The following UBL3 variants were observed in gnomAD, a reference collection of about 807,000 sequenced individuals.
UBL3 encodes the protein ubiquitin like 3.
A neutral mutation model predicts 18.4 loss-of-function variants in UBL3; 6 were observed. That is an observed-to-expected ratio of 0.33 (90% CI 0.18 to 0.64). The LOEUF is 0.64. UBL3 is among the 30% of genes least tolerant of loss of function. The probability of loss-of-function intolerance (pLI) is 0.76; values close to 1 mark genes in which losing one functional copy is unlikely to be tolerated. For synonymous variants in UBL3, 49 were observed against 46.6 expected, an observed-to-expected ratio of 1.05 and a Z score of -0.21; for missense variants, 109 against 142.9, an observed-to-expected ratio of 0.76 and a Z score of 1.21.
chr13:29,828,695 C>A (rs1034000241), intron 1 of UBL3, among the ~76,000 whole-genome samples: 1 of 152,250 alleles, frequency 6.6e-6, no homozygotes, highest in African/African-American at 2.4e-5. Context: ...CATTCTCCGT[C>A]CAGCTTTGTT....
chr13:29,799,603 A>G (rs1380730822), intron 1 of UBL3, among the ~76,000 whole-genome samples: 14 of 152,222 alleles, frequency 9.2e-5, no homozygotes, highest in African/African-American at 2.9e-4. Flanking sequence ...TTACATGCAT[A>G]TGAGTGGTTC....
At chr13:29,806,586 T>A (rs1361496350) in intron 1 of UBL3, among the ~76,000 whole-genome samples, 1 of 152,200 alleles carries the variant, frequency 6.6e-6, no homozygotes, top group African/African-American at 2.4e-5. Flanking sequence ...GGTGCAGTGC[T>A]GAGGTGCAAG....
rs989113249 is a variant in UBL3 at position 29,849,928 on chromosome 13, A to T, written c.-390T>A. 14 of 356,322 alleles carry T rather than the reference A, an allele frequency of 3.9e-5. 1 individual carries two copies. Among genetic ancestry groups the T allele is most frequent in the Non-Finnish European group, 7.4e-5 (14 of 188,220 alleles). The allele number at this position is 356,322 out of a possible 1,614,324, so 22.1% of individuals were successfully genotyped here. A position where few individuals can be genotyped will look rare whatever the true frequency, so the allele number is the denominator to read the frequency against. On this transcript the variant is annotated 5_prime_UTR_variant, in exon 1 of 5. An upstream open reading frame in the 5' UTR loses its in-frame stop. Transcript: ENST00000380680. ...CCTTTCCCAGCCCCGGCAATGATTC[A>T]CACTTGCTCCCGAGTCAAGTCCTCA...
At chr13:29,783,061 T>C (rs900641651) in intron 1 of UBL3, among the ~76,000 whole-genome samples, 4 of 152,218 alleles carry the variant, frequency 2.6e-5, no homozygotes, top group Admixed American at 2.6e-4. Flanking sequence ...AAACCTAGGC[T>C]TCAGCATTCT....
At chr13:29,846,897 A>G (rs75163927) in intron 1 of UBL3, among the ~76,000 whole-genome samples, 2,756 of 152,364 alleles carry the variant, frequency 0.018, 42 homozygotes, top group Middle Eastern at 0.051. Flanking sequence ...TGTATTTAAC[A>G]GTACATATCC....
chr13:29,793,034 T>C (rs1343806740), intron 1 of UBL3, among the ~76,000 whole-genome samples: 2 of 152,128 alleles, frequency 1.3e-5, no homozygotes, highest in South Asian at 2.1e-4. Flanking sequence ...TGTTAGAGAA[T>C]ATAAATCTAG....
At chr13:29,845,049 A>G (rs540694753) in intron 1 of UBL3, among the ~76,000 whole-genome samples, 1 of 152,238 alleles carries the variant, frequency 6.6e-6, no homozygotes, top group Non-Finnish European at 1.5e-5. Flanking sequence ...AAGTGATACT[A>G]TATCCATAGA....
intron 1 of UBL3, among the ~76,000 whole-genome samples, chr13:29,825,477 T>G (rs568059868): frequency 7.9e-5 from 12 of 152,204 alleles, no homozygotes; most frequent in East Asian, 1.9e-4. Context: ...GTGAATGGGA[T>G]TTCACTCATG....
At chr13:29,789,268 G>A (rs1423439520) in intron 1 of UBL3, among the ~76,000 whole-genome samples, 1 of 152,148 alleles carries the variant, frequency 6.6e-6, no homozygotes, top group East Asian at 1.9e-4. Flanking sequence ...ACAGATTGTG[G>A]TGATGGTAGC....
At chr13:29,836,116 G>A (rs1878955829) in intron 1 of UBL3, among the ~76,000 whole-genome samples, 1 of 152,134 alleles carries the variant, frequency 6.6e-6, no homozygotes, top group Non-Finnish European at 1.5e-5. Flanking sequence ...TAGGTTGGTA[G>A]CATGATGAAG....
chr13:29,787,629 G>A (rs972909594), intron 1 of UBL3, among the ~76,000 whole-genome samples: 2 of 152,034 alleles, frequency 1.3e-5, no homozygotes, highest in African/African-American at 2.4e-5. Context: ...AGCTTTAACC[G>A]GATTTCAATG....
chr13:29,836,458 T>A (rs1479155748), intron 1 of UBL3, among the ~76,000 whole-genome samples: 3 of 151,946 alleles, frequency 2.0e-5, no homozygotes, highest in Non-Finnish European at 4.4e-5. Flanking sequence ...AAATTTCCCA[T>A]GGAAAACAAC....
chr13:29,838,762 T>C (rs901857402), intron 1 of UBL3, among the ~76,000 whole-genome samples: 1 of 152,070 alleles, frequency 6.6e-6, no homozygotes, highest in Non-Finnish European at 1.5e-5. Flanking sequence ...AAAATACAAA[T>C]TGCAAAACTG....
chr13:29,850,081 G>A lies in UBL3; in HGVS notation c.-543C>T, dbSNP rs1255876345. 1 of 152,492 alleles carries A rather than the reference G, an allele frequency of 6.6e-6. No homozygotes were observed. The highest frequency in any genetic ancestry group is 1.5e-5 in the Non-Finnish European group (1 of 68,186). The allele number at this position is 152,492 out of a possible 1,614,324, so 9.4% of individuals were successfully genotyped here. A position where few individuals can be genotyped will look rare whatever the true frequency, so the allele number is the denominator to read the frequency against. On this transcript the variant is annotated 5_prime_UTR_variant, in exon 1 of 5. Coordinates refer to ENST00000380680, the MANE Select transcript of UBL3 (RefSeq NM_007106.4). ...TGGCCGCGGACCCTGCAGAGCCGCT[G>A]TCGGAGCGCCCGCGCGGACAGCGCG... is the stretch of plus-strand genomic sequence containing the variant.
chr13:29,776,827 C>A (rs989070248), intron 2 of UBL3, among the ~76,000 whole-genome samples: 1 of 120,472 alleles, frequency 8.3e-6, no homozygotes. Context: ...GCTAAGATCA[C>A]GCCACTGCAC....
intron 1 of UBL3, among the ~76,000 whole-genome samples, chr13:29,817,342 A>T (rs1031034230): frequency 2.0e-5 from 3 of 152,322 alleles, no homozygotes; most frequent in African/African-American, 7.2e-5. Context: ...TTTGCCTCTT[A>T]TCTGATGGAT....
At chr13:29,835,753 CAAAAAAAAAA>C (rs34271187) in intron 1 of UBL3, among the ~76,000 whole-genome samples, 12 of 37,042 alleles carry the variant, frequency 3.2e-4, no homozygotes, top group South Asian at 1.3e-3. Flanking sequence ...GACGCTGTCT[CAAAAAAAAAA>C]AAAAAAAAAA....
chr13:29,820,579 A>G (rs1593668539), intron 1 of UBL3, among the ~76,000 whole-genome samples: 1 of 152,120 alleles, frequency 6.6e-6, no homozygotes, highest in Non-Finnish European at 1.5e-5. Flanking sequence ...CATGGTTCCT[A>G]TATTTGAAAT....
rs993080564 is a variant in UBL3 at position 29,849,784 on chromosome 13, CCGT to C, written c.-249_-247del. The stretch of plus-strand genomic sequence containing the variant: ...ACTCCCGGGACAGCAGAGGCAGCCC[CCGT>C]CGTCGTCGTCGTCGTCAACAGCAGC... On this transcript the variant is annotated 5_prime_UTR_variant, in exon 1 of 5. Coordinates refer to ENST00000380680, the MANE Select transcript of UBL3 (RefSeq NM_007106.4). 429 of 587,844 alleles carry C rather than the reference CCGT, an allele frequency of 7.3e-4. No homozygotes were observed. Among genetic ancestry groups the C allele is most frequent in the Middle Eastern group, 1.3e-3 (3 of 2,266 alleles). The allele number at this position is 587,844 out of a possible 1,614,324, so 36.4% of individuals were successfully genotyped here. A position where few individuals can be genotyped will look rare whatever the true frequency, so the allele number is the denominator to read the frequency against.
Sources: allele counts gnomAD v4.1 joint callset (sites outside exome capture counted in the v4.1 genomes callset), GRCh38; gene constraint gnomAD v4.1.1; transcripts MANE v1.5; gene names NCBI Gene and HGNC (gene_info 2026-07-23, HGNC 2026-07-21).